Variants in GPATCH8 observed in about 807,000 individuals in gnomAD.
GPATCH8 encodes G patch domain-containing protein 8.
A neutral mutation model predicts 118.3 loss-of-function variants in GPATCH8; 18 were observed. The ratio of observed to expected loss-of-function variants is 0.15; its 90% CI spans 0.11 to 0.23. GPATCH8 has a LOEUF of 0.23. Ranked by LOEUF, GPATCH8 falls within the 10% of genes least tolerant of loss-of-function variation. The probability of loss-of-function intolerance (pLI) is 1.00; values close to 1 mark genes in which losing one functional copy is unlikely to be tolerated. For synonymous variants in GPATCH8, 659 were observed against 684.7 expected (o/e 0.96, Z 0.59); for missense variants, 1,631 against 1,873.8 (o/e 0.87, Z 2.39).
chr17:44,407,791 G>C (rs1240164007), intron 6 of GPATCH8, among the ~76,000 whole-genome samples: 1 of 151,908 alleles, frequency 6.6e-6, no homozygotes, highest in East Asian at 1.9e-4. Context: ...CAAGTAGCTG[G>C]GATTACAGGC....
intron 3 of GPATCH8, among the ~76,000 whole-genome samples, chr17:44,437,933 C>A (rs2050565774): frequency 1.6e-5 from 2 of 127,878 alleles, no homozygotes; most frequent in African/African-American, 3.0e-5. Flanking sequence ...TGTTAAAGAA[C>A]ATCTCATGTC....
chr17:44,403,634 T>C (rs1008596607), intron 7 of GPATCH8, among the ~76,000 whole-genome samples: 5 of 151,968 alleles, frequency 3.3e-5, no homozygotes, highest in African/African-American at 4.8e-5. Context: ...ATCCAAACCC[T>C]AGCTAACAGC....
chr17:44,428,851 C>T (rs1054703736), intron 5 of GPATCH8, among the ~76,000 whole-genome samples: 1 of 151,556 alleles, frequency 6.6e-6, no homozygotes, highest in African/African-American at 2.4e-5. Flanking sequence ...AGAATATTTA[C>T]ACAGACAAGG....
chr17:44,413,915 C>T lies in GPATCH8; in HGVS notation c.493-7864G>A, dbSNP rs896625374. Among the ~76,000 whole-genome samples, 7 of 152,038 alleles carry T rather than the reference C, an allele frequency of 4.6e-5. No homozygotes were observed. The East Asian group carries it at 1.2e-3, about 25-fold the overall frequency. On this transcript the variant is annotated intron_variant, in intron 6 of 7. Coordinates refer to ENST00000591680, the MANE Select transcript of GPATCH8 (RefSeq NM_001002909.4). ...GATTATAGGTGTGAGCCACTGTGCC[C>T]GGCCAGGCCGAATAGTCCAATATCA...
intron 1 of GPATCH8, among the ~76,000 whole-genome samples, chr17:44,502,016 A>G (rs1273118310): frequency 6.6e-6 from 1 of 152,092 alleles, no homozygotes; most frequent in Non-Finnish European, 1.5e-5. Context: ...ATATCCTTAG[A>G]ACATCCTGAG....
chr17:44,413,671 GC>G (rs1299409498), intron 6 of GPATCH8, among the ~76,000 whole-genome samples: 2 of 152,056 alleles, frequency 1.3e-5, no homozygotes, highest in Non-Finnish European at 2.9e-5. Context: ...TTGCTCTTTT[GC>G]CCGGAATGCA....
intron 1 of GPATCH8, among the ~76,000 whole-genome samples, chr17:44,484,091 C>T (rs190780800): frequency 5.5e-4 from 83 of 152,260 alleles, no homozygotes; most frequent in African/African-American, 1.9e-3. Flanking sequence ...CCGCCCGCCT[C>T]GGACTTCCAA....
intron 6 of GPATCH8, among the ~76,000 whole-genome samples, chr17:44,414,674 A>G (rs2049610071): frequency 1.3e-5 from 2 of 152,176 alleles, no homozygotes; most frequent in African/African-American, 4.8e-5. Context: ...AACTATCACC[A>G]CTATCTAATT....
chr17:44,425,185 C>T (rs570315645), intron 5 of GPATCH8, among the ~76,000 whole-genome samples: 9 of 152,278 alleles, frequency 5.9e-5, no homozygotes, highest in South Asian at 2.1e-4. Flanking sequence ...TTGCTAATGT[C>T]GCACAGAAGG....
Position 44,405,047 on chromosome 17 carries a change from C to T in GPATCH8, c.623+874G>A, listed in dbSNP as rs965100579. ...TTTCAAATAGTTAGAAAGAGGATAC[C>T]GAATGTTCCTGCACAAAGAAATAAT... On this transcript the variant is annotated intron_variant, in intron 7 of 7. Transcript: ENST00000591680. 9.2e-5 allele frequency among the ~76,000 whole-genome samples: 14 copies of T among 152,076 alleles called. No individual in the cohort carries two copies. In the East Asian group the frequency reaches 2.5e-3, roughly 27 times the overall value.
intron 2 of GPATCH8, among the ~76,000 whole-genome samples, chr17:44,471,000 C>A (rs1317451849): frequency 8.5e-5 from 13 of 152,136 alleles, no homozygotes; most frequent in Admixed American, 8.5e-4. Flanking sequence ...AAAGCAATAA[C>A]AATTTTTAAA....
chr17:44,400,334 G>A lies in GPATCH8; in HGVS notation c.1743C>T (p.Asn581=). 6.2e-7 allele frequency: 1 copy of A among 1,614,056 alleles called. No homozygotes were observed. Among genetic ancestry groups the A allele is most frequent in the Non-Finnish European group, 8.5e-7 (1 of 1,179,956 alleles). Residue 581 remains asparagine (N), a synonymous_variant, in exon 8 of 8, where the codon AAC becomes AAT. Transcript: ENST00000591680. Reference sequence around the variant, plus strand: ...CTGTTCCTTTAGTTCTGGCATCTTTGTTCCTTGAAAGTTTAAAGTCAAAAT... The same window carrying A: ...CTGTTCCTTTAGTTCTGGCATCTTTATTCCTTGAAAGTTTAAAGTCAAAAT... ...PLYFDFKLSR[N]KDARTKGTEK... is the part of the protein sequence containing the mutation.
At chr17:44,480,915 C>T (rs748908665) in intron 1 of GPATCH8, among the ~76,000 whole-genome samples, 3 of 151,980 alleles carry the variant, frequency 2.0e-5, no homozygotes, top group Non-Finnish European at 2.9e-5. Context: ...AATACCACTT[C>T]ATTTGTTTGG....
chr17:44,399,880 G>T lies in GPATCH8; in HGVS notation c.2197C>A (p.Pro733Thr). Reference sequence around the variant, plus strand: ...GGACTGCCACTCCCAGGGGGTTCTGGTTTGGGTCCTCGTTCAGAATCTGCT... The same window carrying T: ...GGACTGCCACTCCCAGGGGGTTCTGTTTTGGGTCCTCGTTCAGAATCTGCT... ...APADSERGPK[P>T]EPPGSGSPAP... Residue 733 changes from proline (P) to threonine (T), a missense_variant, in exon 8 of 8, where the codon CCA (proline) becomes ACA (threonine). Physicochemically the swap from Pro to Thr is conservative, Grantham distance 38 (BLOSUM62 -1). Coordinates refer to ENST00000591680, the MANE Select transcript of GPATCH8 (RefSeq NM_001002909.4). 1 of 1,613,890 alleles carries T rather than the reference G, an allele frequency of 6.2e-7. No individual in the cohort carries two copies. Among genetic ancestry groups the T allele is most frequent in the Non-Finnish European group, 8.5e-7 (1 of 1,179,956 alleles).
chr17:44,485,530 G>A (rs917403098), intron 1 of GPATCH8, among the ~76,000 whole-genome samples: 6 of 151,980 alleles, frequency 3.9e-5, no homozygotes, highest in South Asian at 4.2e-4. Context: ...GAGCTCAAAC[G>A]ATCCTCCCAC....
rs189520436 is a variant in GPATCH8 at position 44,452,342 on chromosome 17, C to T, written c.193+12130G>A. Among the ~76,000 whole-genome samples the T allele has an allele frequency of 1.0e-3, 155 of 149,798 alleles. 1 individual carries two copies. The highest frequency in any genetic ancestry group is 3.7e-3 in the African/African-American group (149 of 40,796). On this transcript the variant is annotated intron_variant, in intron 3 of 7. Transcript: ENST00000591680. ...TGGGCAAAGATCTTTTGGTAAAATG[C>T]TCTTTGGGTAAAATGGGAGTATCTA...
chr17:44,436,266 T>C (rs1475542369), intron 4 of GPATCH8, among the ~76,000 whole-genome samples: 1 of 152,172 alleles, frequency 6.6e-6, no homozygotes, highest in African/African-American at 2.4e-5. Flanking sequence ...AACTTCTTTA[T>C]GTGCCAGTTA....
intron 6 of GPATCH8, among the ~76,000 whole-genome samples, chr17:44,411,885 G>A (rs2049447140): frequency 1.3e-5 from 2 of 152,096 alleles, no homozygotes; most frequent in African/African-American, 2.4e-5. Context: ...TTGAGGACAG[G>A]AGTCCAAGAC....
rs1179048333 is a variant in GPATCH8 at position 44,400,463 on chromosome 17, G to A, written c.1614C>T (p.Phe538=). The change falls in exon 8 of 8, where the codon TTC becomes TTT. Residue 538 remains phenylalanine, a synonymous_variant. Coordinates refer to ENST00000591680, the MANE Select transcript of GPATCH8 (RefSeq NM_001002909.4). ...EGPKHPTGPF[F]PVLSKDESTA... ...TGCTTTCATCTTTGCTCAAAACTGG[G>A]AAGAAGGGACCAGTAGGATGTTTGG... 6.2e-7 allele frequency: 1 copy of A among 1,614,048 alleles called. No homozygotes were observed. Among genetic ancestry groups the A allele is most frequent in the Non-Finnish European group, 8.5e-7 (1 of 1,179,986 alleles).
Sources: allele counts gnomAD v4.1 joint callset (sites outside exome capture counted in the v4.1 genomes callset), GRCh38; gene constraint gnomAD v4.1.1; transcripts MANE v1.5; gene names NCBI Gene and HGNC (gene_info 2026-07-23, HGNC 2026-07-21).